HS6ST3: variants seen among roughly 807,000 people sequenced by gnomAD.
HS6ST3 encodes heparan-sulfate 6-O-sulfotransferase 3.
Under a neutral mutation model 36.7 loss-of-function variants are expected in HS6ST3, and 12 were observed. The observed-to-expected ratio is 0.33, with a 90% CI of 0.21 to 0.53. HS6ST3 has a LOEUF of 0.53. Ranked by LOEUF, HS6ST3 falls within the 20% of genes least tolerant of loss-of-function variation. The pLI is 0.95. For synonymous variants in HS6ST3, 240 were observed against 257.5 expected (o/e 0.93, Z 0.65); for missense variants, 584 against 640.9 (o/e 0.91, Z 0.96).
chr13:96,772,012 A>AT (rs1877278100), intron 1 of HS6ST3, among the ~76,000 whole-genome samples: 1 of 152,128 alleles, frequency 6.6e-6, no homozygotes, highest in Non-Finnish European at 1.5e-5. Flanking sequence ...TTTGGTCTTT[A>AT]TTTTTTAATT....
chr13:96,379,235 G>GA (rs2055328949), intron 1 of HS6ST3, among the ~76,000 whole-genome samples: 1 of 152,164 alleles, frequency 6.6e-6, no homozygotes, highest in Non-Finnish European at 1.5e-5. Flanking sequence ...CTGAATGTTT[G>GA]TGTCCTCCCA....
chr13:96,189,152 T>C (rs2054277808), intron 1 of HS6ST3, among the ~76,000 whole-genome samples: 1 of 152,094 alleles, frequency 6.6e-6, no homozygotes, highest in Non-Finnish European at 1.5e-5. Flanking sequence ...TAAATGAAAA[T>C]TGATTATTTT....
At chr13:96,754,088 G>A (rs1876766734) in intron 1 of HS6ST3, among the ~76,000 whole-genome samples, 1 of 152,100 alleles carries the variant, frequency 6.6e-6, no homozygotes, top group Admixed American at 6.6e-5. Context: ...CAAAGTGCTG[G>A]GATTACAGGC....
chr13:96,158,267 A>G (rs1323508112), intron 1 of HS6ST3, among the ~76,000 whole-genome samples: 1 of 152,094 alleles, frequency 6.6e-6, no homozygotes, highest in African/African-American at 2.4e-5. Flanking sequence ...AGATGCGGGA[A>G]GGAGGTAAAA....
At chr13:96,439,694 G>A (rs2055660503) in intron 1 of HS6ST3, among the ~76,000 whole-genome samples, 1 of 152,204 alleles carries the variant, frequency 6.6e-6, no homozygotes, top group South Asian at 2.1e-4. Flanking sequence ...TAAATGTTTG[G>A]AATGATGTCT....
chr13:96,639,472 T>A (rs2056562424), intron 1 of HS6ST3, among the ~76,000 whole-genome samples: 1 of 152,012 alleles, frequency 6.6e-6, no homozygotes, highest in African/African-American at 2.4e-5. Flanking sequence ...TTTAAATCCA[T>A]TCTGCTAATA....
chr13:96,558,045 G>A (rs1002725030), intron 1 of HS6ST3, among the ~76,000 whole-genome samples: 2 of 152,180 alleles, frequency 1.3e-5, no homozygotes, highest in African/African-American at 4.8e-5. Flanking sequence ...TGATAAGTGT[G>A]TATGTGTAAT....
intron 1 of HS6ST3, among the ~76,000 whole-genome samples, chr13:96,670,114 A>AAGAC (rs1396113343): frequency 1.3e-5 from 2 of 152,200 alleles, no homozygotes; most frequent in Non-Finnish European, 2.9e-5. Context: ...CTCAGTAAAG[A>AAGAC]AGACTAAGAA....
chr13:96,170,935 A>G (rs190554086), intron 1 of HS6ST3, among the ~76,000 whole-genome samples: 1,716 of 152,364 alleles, frequency 0.011, 29 homozygotes, highest in African/African-American at 0.035. Flanking sequence ...GCACGTGCGC[A>G]CACACACACA....
chr13:96,627,567 A>G (rs1021739086), intron 1 of HS6ST3, among the ~76,000 whole-genome samples: 3 of 151,990 alleles, frequency 2.0e-5, no homozygotes, highest in South Asian at 2.1e-4. Flanking sequence ...GTGTTTTTCT[A>G]TTCTCTGAAG....
chr13:96,338,079 A>AT lies in HS6ST3; in HGVS notation c.707+246520dup, dbSNP rs559980882. 1.1e-4 allele frequency among the ~76,000 whole-genome samples: 17 copies of AT among 150,156 alleles called. No homozygotes were observed. In the East Asian group the frequency reaches 1.4e-3, roughly 12 times the overall value. ...GGATATTTAAAATATAATTTAAAAG[A>AT]TTTTTTTTTTCTCTATTGTCTTTGC... On this transcript the variant is annotated intron_variant, in intron 1 of 1. Transcript: ENST00000376705.
intron 1 of HS6ST3, among the ~76,000 whole-genome samples, chr13:96,545,173 T>G (rs2138944794): frequency 1.3e-5 from 2 of 152,284 alleles, no homozygotes; most frequent in East Asian, 3.9e-4. Flanking sequence ...TGACTAAAAT[T>G]CATTTATCTT....
intron 1 of HS6ST3, among the ~76,000 whole-genome samples, chr13:96,548,967 C>G (rs3848012): frequency 6.6e-6 from 1 of 152,044 alleles, no homozygotes; most frequent in Non-Finnish European, 1.5e-5. Context: ...CAAATTGACA[C>G]ATACAATCAA....
rs543371605 is a variant in HS6ST3 at position 96,100,474 on chromosome 13, C to T, written c.707+8905C>T. ...ACCAGTGACAAGAGGAAACTGTTAA[C>T]CCCATTGGATGTGAAGAGGCAAAAG... On this transcript the variant is annotated intron_variant, in intron 1 of 1. Transcript: ENST00000376705. 5.3e-5 allele frequency among the ~76,000 whole-genome samples: 8 copies of T among 152,214 alleles called. No homozygotes were observed. In the South Asian group the frequency reaches 1.5e-3, roughly 28 times the overall value.
intron 1 of HS6ST3, among the ~76,000 whole-genome samples, chr13:96,749,852 C>G (rs998479732): frequency 1.3e-5 from 2 of 152,022 alleles, no homozygotes; most frequent in African/African-American, 2.4e-5. Context: ...TATTCTTACA[C>G]TTATTCAAGT....
At chr13:96,660,611 G>A (rs2056642972) in intron 1 of HS6ST3, among the ~76,000 whole-genome samples, 1 of 152,074 alleles carries the variant, frequency 6.6e-6, no homozygotes, top group South Asian at 2.1e-4. Context: ...TGTGGCATTG[G>A]ACTTGGCAAT....
chr13:96,415,789 T>C (rs2055530101), intron 1 of HS6ST3, among the ~76,000 whole-genome samples: 1 of 152,200 alleles, frequency 6.6e-6, no homozygotes, highest in Non-Finnish European at 1.5e-5. Context: ...AAGAACGTAT[T>C]TTATAGCCTG....
chr13:96,800,867 T>G (rs1878047696), intron 1 of HS6ST3, among the ~76,000 whole-genome samples: 1 of 152,058 alleles, frequency 6.6e-6, no homozygotes, highest in Admixed American at 6.6e-5. Context: ...GTCTGTTATC[T>G]CAAAAAAAGA....
intron 1 of HS6ST3, among the ~76,000 whole-genome samples, chr13:96,704,814 C>CT (rs1247378532): frequency 1.3e-5 from 2 of 152,154 alleles, no homozygotes; most frequent in African/African-American, 4.8e-5. Context: ...ACGTAGGTAA[C>CT]TTGAGGTTTC....
Sources: gnomAD v4.1 joint callset for allele counts (sites outside exome capture counted in the v4.1 genomes callset) on GRCh38, gnomAD v4.1.1 for gene constraint, MANE v1.5 for transcripts, NCBI Gene and HGNC (gene_info 2026-07-23, HGNC 2026-07-21) for gene names.